Variants in R3HDM4 observed in about 807,000 individuals in gnomAD.
R3HDM4 encodes R3H domain containing 4, also known as R3H domain-containing protein 4.
A neutral mutation model predicts 31.3 loss-of-function variants in R3HDM4; 30 were observed. The ratio of observed to expected loss-of-function variants is 0.96; its 90% CI spans 0.72 to 1.30. The LOEUF is 1.30. R3HDM4 is among the 50% of genes most tolerant of loss of function. The pLI, the probability that R3HDM4 is intolerant of heterozygous loss-of-function variation, is 0.00. For synonymous variants in R3HDM4, 196 were observed against 156.6 expected, an observed-to-expected ratio of 1.25 and a Z score of -1.88; for missense variants, 444 against 366.1, an observed-to-expected ratio of 1.21 and a Z score of -1.74.
Position 901,763 on chromosome 19 carries a change from G to A in R3HDM4, c.226+213C>T, listed in dbSNP as rs531473968. The A allele has an allele frequency of 2.6e-4, 212 of 808,896 alleles. No individual in the cohort carries two copies. The African/African-American group carries it at 2.9e-3, about 11-fold the overall frequency. The allele number at this position is 808,896 out of a possible 1,614,324, so 50.1% of individuals were successfully genotyped here. A position where few individuals can be genotyped will look rare whatever the true frequency, so the allele number is the denominator to read the frequency against. On this transcript the variant is annotated intron_variant, in intron 2 of 7. Transcript: ENST00000361574. The stretch of plus-strand genomic sequence containing the variant: ...CTTTAAAGCCCCAGCTCCAATGCCC[G>A]GGGCGCCCTCCCACCCAGCCCTGAT...
At chr19:909,601 G>C (rs1287646366) in intron 1 of R3HDM4, among the ~76,000 whole-genome samples, 1 of 151,960 alleles carries the variant, frequency 6.6e-6, no homozygotes, top group Non-Finnish European at 1.5e-5. Context: ...TTTGAGACCA[G>C]CCTGACCAAC....
intron 7 of R3HDM4, 84 bp from the exon 8 acceptor site, chr19:897,624 G>A (rs113001891): frequency 2.7e-5 from 30 of 1,092,298 alleles, no homozygotes; most frequent in Non-Finnish European, 3.6e-5. Flanking sequence ...CACCACCCTC[G>A]CTTCTTCCCA....
intron 1 of R3HDM4, among the ~76,000 whole-genome samples, chr19:903,878 G>A (rs1232458790): frequency 2.6e-5 from 4 of 152,018 alleles, no homozygotes; most frequent in African/African-American, 4.8e-5. Flanking sequence ...GTGAAACCCC[G>A]TCTCCACTAA....
At position 907,359 on chromosome 19, in the gene R3HDM4, C is replaced by G. The variant is rs958075880; in HGVS notation, c.72-5229G>C. ...GCCCCAGATTCACCCACAGCCCCCC[C>G]TGAGGCCCCGGGGCCTACTTCTCCA... is the stretch of plus-strand genomic sequence containing the variant. On this transcript the variant is annotated intron_variant, in intron 1 of 7. Coordinates refer to ENST00000361574, the MANE Select transcript of R3HDM4 (RefSeq NM_138774.4). The surrounding 1 kb of genome is among the most constrained non-coding windows in gnomAD (Gnocchi z 4.1). 1.2e-4 allele frequency among the ~76,000 whole-genome samples: 18 copies of G among 152,106 alleles called. No homozygotes were observed. Among genetic ancestry groups the G allele is most frequent in the African/African-American group, 3.9e-4 (16 of 41,434 alleles).
At chr19:906,349 A>G (rs1300433942) in intron 1 of R3HDM4, among the ~76,000 whole-genome samples, 1 of 151,460 alleles carries the variant, frequency 6.6e-6, no homozygotes, top group Non-Finnish European at 1.5e-5. Flanking sequence ...CCTCCCGAGT[A>G]GCTGGGACTA....
chr19:899,767 C>T lies in R3HDM4; in HGVS notation c.562-81G>A. 8.4e-7 allele frequency: 1 copy of T among 1,184,472 alleles called. No homozygotes were observed. Among genetic ancestry groups the T allele is most frequent in the Non-Finnish European group, 1.2e-6 (1 of 856,740 alleles). 73.4% of individuals were successfully genotyped at this position (1,184,472 alleles called of 1,614,324 possible). A position where few individuals can be genotyped will look rare whatever the true frequency, so the allele number is the denominator to read the frequency against. On this transcript the variant is annotated intron_variant, in intron 5 of 7. Transcript: ENST00000361574. The surrounding 1 kb of genome is among the most constrained non-coding windows in gnomAD (Gnocchi z 6.8). ...GGGAGGTCCAGGGCCCCCAGGAGCC[C>T]ACAGCGCTGGGCTCAAACATGACCT...
chr19:899,449 T>C lies in R3HDM4; in HGVS notation c.694A>G (p.Ile232Val). 6.2e-7 allele frequency: 1 copy of C among 1,613,468 alleles called. No homozygotes were observed. Among genetic ancestry groups the C allele is most frequent in the Non-Finnish European group, 8.5e-7 (1 of 1,179,802 alleles). ...GGCCACCGGCACTTACTGGCCGAGA[T>C]GAGGTCCATGTACTGGCAGACAGCG... ...LHAVCQYMDL[I>V]SASADLEGKR... is the part of the protein sequence containing the mutation. Residue 232 changes from isoleucine to valine, a missense_variant, in exon 7 of 8, where the codon ATC becomes GTC. Ile to Val is a conservative substitution (Grantham distance 29, BLOSUM62 3). Transcript: ENST00000361574. The surrounding 1 kb of genome is among the most constrained non-coding windows in gnomAD (Gnocchi z 6.8).
At chr19:898,331 G>A (rs916266624) in intron 7 of R3HDM4, among the ~76,000 whole-genome samples, 2 of 148,954 alleles carry the variant, frequency 1.3e-5, no homozygotes, top group Non-Finnish European at 3.0e-5. Flanking sequence ...CGTGAACCCG[G>A]GAGGTGGAGC....
chr19:901,867 C>A, intron 2 of R3HDM4, 109 bp downstream of exon 2: 2 of 1,407,086 alleles, frequency 1.4e-6, no homozygotes, highest in East Asian at 2.3e-5. Flanking sequence ...TTTGGGTCCC[C>A]AGCCCCACCC....
chr19:910,858 G>T (rs1476368290), intron 1 of R3HDM4, among the ~76,000 whole-genome samples: 1 of 152,014 alleles, frequency 6.6e-6, no homozygotes, highest in East Asian at 1.9e-4. Context: ...GGTGGCTCAC[G>T]CCTGTAATCC....
At chr19:909,492 C>T (rs2036946362) in intron 1 of R3HDM4, among the ~76,000 whole-genome samples, 1 of 152,150 alleles carries the variant, frequency 6.6e-6, no homozygotes, top group African/African-American at 2.4e-5. Context: ...GGAGTCACTA[C>T]ACCTGGGCTT....
In R3HDM4 at chr19:899,102, A is replaced by C. The variant is rs1387287272; in HGVS notation, c.703+338T>G. On this transcript the variant is annotated intron_variant, in intron 7 of 7. Transcript: ENST00000361574. This position sits in a 1 kb window ranked among gnomAD's most constrained non-coding sequence, Gnocchi z 6.8. ...AGAGTTAAATGCAAACCTTCCAGAC[A>C]CTGCGTCCCCCCATCTTATCTCTGG... Among the ~76,000 whole-genome samples, 1 of 151,928 alleles carries C rather than the reference A, an allele frequency of 6.6e-6. No individual in the cohort carries two copies. Among genetic ancestry groups the C allele is most frequent in the Non-Finnish European group, 1.5e-5 (1 of 67,950 alleles).
Position 899,731 on chromosome 19 carries a change from G to A in R3HDM4, c.562-45C>T, listed in dbSNP as rs532473258. On this transcript the variant is annotated intron_variant, in intron 5 of 7. Coordinates refer to ENST00000361574, the MANE Select transcript of R3HDM4 (RefSeq NM_138774.4). This position sits in a 1 kb window ranked among gnomAD's most constrained non-coding sequence, Gnocchi z 6.8. ...GGTCAGGGAACTGCGGGACCTGTGG[G>A]TGGGGGGCCAGGGAGGTCCAGGGCC... 6 of 1,467,388 alleles carry A rather than the reference G, an allele frequency of 4.1e-6. No homozygotes were observed. The African/African-American group carries it at 5.7e-5, about 14-fold the overall frequency. The allele number at this position is 1,467,388 out of a possible 1,614,324, so 90.9% of individuals were successfully genotyped here.
rs1450186505 is a variant in R3HDM4 at position 897,542 on chromosome 19, T to G, written c.704-2A>C. 6.2e-7 allele frequency: 1 copy of G among 1,608,252 alleles called. No homozygotes were observed. Among genetic ancestry groups the G allele is most frequent in the Non-Finnish European group, 8.5e-7 (1 of 1,177,314 alleles). On this transcript the variant is annotated splice_acceptor_variant, in intron 7 of 7. Coordinates refer to ENST00000361574, the MANE Select transcript of R3HDM4 (RefSeq NM_138774.4). LOFTEE classifies it high-confidence loss of function. ...GCCGCTTCCCCTCCAGGTCAGCACCTGCAGACGGGACCAGCGGGGCAAGAA... is the reference window on the plus strand; with the variant it reads ...GCCGCTTCCCCTCCAGGTCAGCACCGGCAGACGGGACCAGCGGGGCAAGAA...
Position 910,133 on chromosome 19 carries a change from C to G in R3HDM4, c.71+2954G>C, listed in dbSNP as rs1208546395. Among the ~76,000 whole-genome samples, 12 of 151,964 alleles carry G rather than the reference C, an allele frequency of 7.9e-5. No homozygotes were observed. The East Asian group carries it at 2.3e-3, about 30-fold the overall frequency. ...CTGAGGTTGGGAGTTCGAGACCAGC[C>G]TGACCAATATGGAGAAACTCCGTTT... On this transcript the variant is annotated intron_variant, in intron 1 of 7. Transcript: ENST00000361574.
intron 2 of R3HDM4, 158 bp downstream of exon 2, chr19:901,813 TCTGGC>T: frequency 1.4e-6 from 1 of 720,344 alleles, no homozygotes; most frequent in Non-Finnish European, 2.2e-6. Flanking sequence ...GGCGCCTGTG[TCTGGC>T]TCTATTTATA....
chr19:899,633 G>C lies in R3HDM4; in HGVS notation c.615C>G (p.Pro205=). 6.2e-7 allele frequency: 1 copy of C among 1,609,076 alleles called. No individual in the cohort carries two copies. The change falls in exon 6 of 8, where the codon CCC becomes CCG. Residue 205 remains proline (P), a synonymous_variant. Coordinates refer to ENST00000361574, the MANE Select transcript of R3HDM4 (RefSeq NM_138774.4). This position sits in a 1 kb window ranked among gnomAD's most constrained non-coding sequence, Gnocchi z 6.8. ...ERLLRFFSVS[P]QAVYTAMLDN... ...CTAGCATTGCTGTGTACACGGCCTG[G>C]GGGGACACGGAGAAGAACCGAAGCA...
chr19:900,809 CG>C lies in R3HDM4; in HGVS notation c.475+19del. The C allele has an allele frequency of 6.7e-7, 1 of 1,484,114 alleles. No individual in the cohort carries two copies. The allele number at this position is 1,484,114 out of a possible 1,614,324, so 91.9% of individuals were successfully genotyped here. Reference sequence around the variant, plus strand: ...TCCATACCCTGGCCCCACCCATACCCGCCCCAGCCAGGCCCGCACCTCTCCT... The same window carrying C: ...TCCATACCCTGGCCCCACCCATACCCCCCCAGCCAGGCCCGCACCTCTCCT... On this transcript the variant is annotated intron_variant, in intron 4 of 7. Coordinates refer to ENST00000361574, the MANE Select transcript of R3HDM4 (RefSeq NM_138774.4).
At position 907,735 on chromosome 19, in the gene R3HDM4, C is replaced by T. The variant is rs1200412766; in HGVS notation, c.71+5352G>A. Among the ~76,000 whole-genome samples, 1 of 152,172 alleles carries T rather than the reference C, an allele frequency of 6.6e-6. No homozygotes were observed. The highest frequency in any genetic ancestry group is 1.5e-5 in the Non-Finnish European group (1 of 68,026). On this transcript the variant is annotated intron_variant, in intron 1 of 7. Coordinates refer to ENST00000361574, the MANE Select transcript of R3HDM4 (RefSeq NM_138774.4). This position sits in a 1 kb window ranked among gnomAD's most constrained non-coding sequence, Gnocchi z 4.1. ...AGCACAGCCCATGGCTCCCCAGCAT[C>T]CCAGGGCCAGGCCTGGCTCCCCCTT...
Sources: allele counts gnomAD v4.1 joint callset (sites outside exome capture counted in the v4.1 genomes callset), GRCh38; gene constraint gnomAD v4.1.1; non-coding constraint Gnocchi (gnomAD v3.1); transcripts MANE v1.5; gene names NCBI Gene and HGNC (gene_info 2026-07-23, HGNC 2026-07-21).